Variants in NINJ2 observed in about 807,000 individuals in gnomAD.
NINJ2 encodes the protein ninjurin 2.
Under a neutral mutation model 11.7 loss-of-function variants are expected in NINJ2, and 12 were observed. The ratio of observed to expected loss-of-function variants is 1.02; its 90% CI spans 0.66 to 1.66. NINJ2 has a LOEUF of 1.66. Among genes scored for constraint, NINJ2 ranks in the 40% most tolerant of loss-of-function variants. The pLI is 0.00. For synonymous variants in NINJ2, 93 were observed against 76.8 expected, an observed-to-expected ratio of 1.21 and a Z score of -1.10; for missense variants, 187 against 181.8, an observed-to-expected ratio of 1.03 and a Z score of -0.16.
At position 633,224 on chromosome 12, in the gene NINJ2, G is replaced by A. The variant is rs1948303862; in HGVS notation, c.33+30104C>T. 1.3e-5 allele frequency among the ~76,000 whole-genome samples: 2 copies of A among 151,872 alleles called. No homozygotes were observed. Among genetic ancestry groups the A allele is most frequent in the South Asian group, 4.2e-4 (2 of 4,810 alleles). On this transcript the variant is annotated intron_variant, in intron 1 of 3. Coordinates refer to ENST00000305108, the MANE Select transcript of NINJ2 (RefSeq NM_016533.6). This position sits in a 1 kb window ranked among gnomAD's most constrained non-coding sequence, Gnocchi z 4.3. ...CCATTAAAAAAAAACAAGGCCGGGCGCGGTGGCTCACACCTGTAATCCTAG... is the reference window on the plus strand; with the variant it reads ...CCATTAAAAAAAAACAAGGCCGGGCACGGTGGCTCACACCTGTAATCCTAG...
At position 575,546 on chromosome 12, in the gene NINJ2, GA is replaced by G. The variant is rs149325593; in HGVS notation, c.34-9369del. Among the ~76,000 whole-genome samples the G allele has an allele frequency of 4.3e-3, 648 of 152,282 alleles. 31 individuals carry two copies. In the East Asian group the frequency reaches 0.11, roughly 25 times the overall value. ...CACTCCACCAAGGCCCTGTTTGAAAGAAGGTCGCCTGCTCCCTGGCCTGTGC... is the reference window on the plus strand; with the variant it reads ...CACTCCACCAAGGCCCTGTTTGAAAGAGGTCGCCTGCTCCCTGGCCTGTGC... On this transcript the variant is annotated intron_variant, in intron 1 of 3. Coordinates refer to ENST00000305108, the MANE Select transcript of NINJ2 (RefSeq NM_016533.6).
At chr12:661,760 A>G (rs1235709047) in intron 1 of NINJ2, among the ~76,000 whole-genome samples, 1 of 152,250 alleles carries the variant, frequency 6.6e-6, no homozygotes, top group African/African-American at 2.4e-5. Flanking sequence ...AACACATACT[A>G]GGGACAGAAG....
chr12:622,122 GAAAA>G (rs71045087), intron 1 of NINJ2, among the ~76,000 whole-genome samples: 3 of 101,334 alleles, frequency 3.0e-5, no homozygotes, highest in Admixed American at 1.1e-4. Flanking sequence ...ACTGTGTCGG[GAAAA>G]AAAAAAAAAA....
At chr12:590,201 C>A (rs890420799) in intron 1 of NINJ2, among the ~76,000 whole-genome samples, 1 of 152,170 alleles carries the variant, frequency 6.6e-6, no homozygotes, top group African/African-American at 2.4e-5. Flanking sequence ...CTCAGCCTCC[C>A]AATGTGCTGT....
intron 1 of NINJ2, among the ~76,000 whole-genome samples, chr12:629,600 G>A (rs182250180): frequency 2.1e-4 from 32 of 152,126 alleles, no homozygotes; most frequent in Middle Eastern, 3.4e-3. Context: ...AACATTATGA[G>A]TTCTTGGTTG....
At chr12:607,996 G>A (rs1426241246) in intron 1 of NINJ2, among the ~76,000 whole-genome samples, 3 of 152,216 alleles carry the variant, frequency 2.0e-5, no homozygotes, top group Non-Finnish European at 2.9e-5. Flanking sequence ...GATGGAAGCT[G>A]GGGCTTAAAA....
chr12:647,476 T>C (rs752331772), intron 1 of NINJ2, among the ~76,000 whole-genome samples: 4 of 152,044 alleles, frequency 2.6e-5, no homozygotes, highest in Non-Finnish European at 5.9e-5. Context: ...AACAAGAAGT[T>C]TGGACTTGAG....
Position 581,088 on chromosome 12 carries a change from T to C in NINJ2, c.34-14910A>G, listed in dbSNP as rs1369130547. ...GTGTCTCTGTGCCTCTGTGTGTGTG[T>C]GCATGTGTCTCTGTGTGTCTGTGTC... On this transcript the variant is annotated intron_variant, in intron 1 of 3. Coordinates refer to ENST00000305108, the MANE Select transcript of NINJ2 (RefSeq NM_016533.6). This position sits in a 1 kb window ranked among gnomAD's most constrained non-coding sequence, Gnocchi z 4.9. Among the ~76,000 whole-genome samples, 1 of 151,094 alleles carries C rather than the reference T, an allele frequency of 6.6e-6. No individual in the cohort carries two copies. Among genetic ancestry groups the C allele is most frequent in the African/African-American group, 2.4e-5 (1 of 40,992 alleles).
At chr12:637,550 A>G (rs576746909) in intron 1 of NINJ2, among the ~76,000 whole-genome samples, 52 of 151,426 alleles carry the variant, frequency 3.4e-4, no homozygotes, top group African/African-American at 1.2e-3. Flanking sequence ...CTGAGGCAGG[A>G]GAATCGCTTG....
chr12:586,847 T>G (rs1047433069), intron 1 of NINJ2, among the ~76,000 whole-genome samples: 6 of 152,132 alleles, frequency 3.9e-5, no homozygotes, highest in Non-Finnish European at 8.8e-5. Flanking sequence ...GACCTTCACC[T>G]TCGGGGCCCT....
intron 1 of NINJ2, among the ~76,000 whole-genome samples, chr12:571,951 G>T (rs1317141677): frequency 6.6e-6 from 1 of 152,228 alleles, no homozygotes; most frequent in Non-Finnish European, 1.5e-5. Context: ...CCTGGGGCCT[G>T]TGGCAGGCAG....
intron 1 of NINJ2, among the ~76,000 whole-genome samples, chr12:626,874 C>G (rs538587749): frequency 3.3e-5 from 5 of 152,128 alleles, no homozygotes; most frequent in South Asian, 2.1e-4. Flanking sequence ...TTGCTTGAGC[C>G]CAGGAGTTCA....
At chr12:584,826 A>T (rs1352998490) in intron 1 of NINJ2, among the ~76,000 whole-genome samples, 1 of 148,968 alleles carries the variant, frequency 6.7e-6, no homozygotes, top group African/African-American at 2.5e-5. Flanking sequence ...AAAAACAAAA[A>T]TTTAATTAAA....
At chr12:619,392 C>A (rs1948128859) in intron 1 of NINJ2, among the ~76,000 whole-genome samples, 1 of 152,228 alleles carries the variant, frequency 6.6e-6, no homozygotes, top group African/African-American at 2.4e-5. Flanking sequence ...GTGGGCTCCT[C>A]TAGTTCTGAA....
intron 1 of NINJ2, chr12:610,476 C>T (rs1948014096): frequency 1.3e-6 from 2 of 1,531,778 alleles, no homozygotes; most frequent in South Asian, 1.2e-5. Context: ...GGAAAAGGGT[C>T]AGCGAGCACA....
chr12:570,695 C>T lies in NINJ2; in HGVS notation c.34-4517G>A, dbSNP rs937724006. On this transcript the variant is annotated intron_variant, in intron 1 of 3. Transcript: ENST00000305108. ...GCCCTCCCCTGGCCCTGGCCCTGGC[C>T]TCTGCGCCCTCCCTGCAGAGCTGGT... Among the ~76,000 whole-genome samples the T allele has an allele frequency of 2.0e-4, 30 of 152,268 alleles. 1 individual carries two copies. Among genetic ancestry groups the T allele is most frequent in the Non-Finnish European group, 3.7e-4 (25 of 68,010 alleles).
At chr12:601,649 A>G (rs1347624492) in intron 1 of NINJ2, among the ~76,000 whole-genome samples, 1 of 152,230 alleles carries the variant, frequency 6.6e-6, no homozygotes, top group East Asian at 1.9e-4. Flanking sequence ...GGTTCACCTC[A>G]GGTCAGGAGT....
At chr12:655,343 G>A (rs888926401) in intron 1 of NINJ2, among the ~76,000 whole-genome samples, 4 of 152,186 alleles carry the variant, frequency 2.6e-5, no homozygotes, top group Non-Finnish European at 5.9e-5. Context: ...GTTTGCAGAT[G>A]ACATGATTGT....
At chr12:641,911 T>G (rs921258602) in intron 1 of NINJ2, among the ~76,000 whole-genome samples, 3 of 151,542 alleles carry the variant, frequency 2.0e-5, no homozygotes, top group African/African-American at 7.3e-5. Flanking sequence ...AGCTAGGACA[T>G]TTCCTAGACT....
Sources: allele counts gnomAD v4.1 joint callset (sites outside exome capture counted in the v4.1 genomes callset), GRCh38; gene constraint gnomAD v4.1.1; non-coding constraint Gnocchi (gnomAD v3.1); transcripts MANE v1.5; gene names NCBI Gene and HGNC (gene_info 2026-07-23, HGNC 2026-07-21).